Variants in ADGRL3 observed in about 807,000 individuals in gnomAD.
ADGRL3 encodes the protein adhesion G protein-coupled receptor L3, also known as calcium-independent alpha-latrotoxin receptor 3.
Under a neutral mutation model 153.5 loss-of-function variants are expected in ADGRL3, and 62 were observed. The ratio of observed to expected loss-of-function variants is 0.40; its 90% CI spans 0.33 to 0.50. ADGRL3 has a LOEUF of 0.50. Ranked by LOEUF, ADGRL3 falls within the 20% of genes least tolerant of loss-of-function variation. The pLI, the probability that ADGRL3 is intolerant of heterozygous loss-of-function variation, is 0.47. For missense variants in ADGRL3, 1,641 were observed against 1,859.4 expected (o/e 0.88, Z 2.16); for synonymous variants, 710 against 672.5 (o/e 1.06, Z -0.86).
intron 1 of ADGRL3, among the ~76,000 whole-genome samples, chr4:61,367,108 C>T (rs1286593988): frequency 6.6e-6 from 1 of 151,972 alleles, no homozygotes; most frequent in Non-Finnish European, 1.5e-5. Context: ...TAAAGTAGCA[C>T]ATTGAAATAT....
At chr4:61,541,535 A>C (rs959513945) in intron 4 of ADGRL3, among the ~76,000 whole-genome samples, 1 of 151,992 alleles carries the variant, frequency 6.6e-6, no homozygotes, top group African/African-American at 2.4e-5. Context: ...GACATTCTTC[A>C]CTAAGGGGCA....
chr4:61,239,423 T>G lies in ADGRL3; in HGVS notation c.-240+37658T>G, dbSNP rs142492934. ...GTGCCTGGAGAGACTTCGTCCTATA[T>G]AGAATTCCCCCTCCCCACTCCACTG... On this transcript the variant is annotated intron_variant, in intron 1 of 26. Transcript: ENST00000683033. 2.3e-3 allele frequency among the ~76,000 whole-genome samples: 356 copies of G among 152,240 alleles called. 4 individuals are homozygous for G. Among genetic ancestry groups the G allele is most frequent in the Non-Finnish European group, 3.2e-3 (215 of 68,006 alleles).
chr4:61,605,969 T>C (rs2099030673), intron 5 of ADGRL3, among the ~76,000 whole-genome samples: 2 of 152,144 alleles, frequency 1.3e-5, no homozygotes, highest in South Asian at 4.1e-4. Flanking sequence ...GGAGATTTAA[T>C]GGGAGAGACG....
At chr4:61,890,258 C>T (rs1374850479) in intron 9 of ADGRL3, among the ~76,000 whole-genome samples, 1 of 152,114 alleles carries the variant, frequency 6.6e-6, no homozygotes, top group Non-Finnish European at 1.5e-5. Context: ...TTCAGAAGTA[C>T]AAATGAGAGC....
At chr4:61,264,361 ACCC>A (rs749177961) in intron 1 of ADGRL3, among the ~76,000 whole-genome samples, 7 of 152,096 alleles carry the variant, frequency 4.6e-5, no homozygotes, top group Non-Finnish European at 1.0e-4. Context: ...CACAATTGGA[ACCC>A]CAAATCGGCA....
chr4:61,933,211 A>G (rs2098824884), intron 13 of ADGRL3, among the ~76,000 whole-genome samples: 1 of 152,120 alleles, frequency 6.6e-6, no homozygotes, highest in African/African-American at 2.4e-5. Context: ...CTGAAGGAAT[A>G]CTTCTTTACA....
intron 17 of ADGRL3, among the ~76,000 whole-genome samples, chr4:61,969,167 G>GA (rs1454775634): frequency 2.0e-5 from 3 of 152,168 alleles, no homozygotes; most frequent in South Asian, 2.1e-4. Flanking sequence ...CTTTGAATCA[G>GA]AAAAAAGTAA....
At chr4:61,396,654 C>T (rs1181015997) in intron 2 of ADGRL3, among the ~76,000 whole-genome samples, 1 of 151,920 alleles carries the variant, frequency 6.6e-6, no homozygotes, top group Non-Finnish European at 1.5e-5. Context: ...CAATCACTAC[C>T]TTTTCTGTTG....
At chr4:61,638,438 C>G (rs988354808) in intron 5 of ADGRL3, among the ~76,000 whole-genome samples, 1 of 152,102 alleles carries the variant, frequency 6.6e-6, no homozygotes, top group South Asian at 2.1e-4. Context: ...TTAAATGAAT[C>G]TAGGCATTTG....
At chr4:61,841,834 G>A (rs9998513) in intron 9 of ADGRL3, among the ~76,000 whole-genome samples, 2,077 of 152,278 alleles carry the variant, frequency 0.014, 47 homozygotes, top group African/African-American at 0.045. Flanking sequence ...TCTTGTGTGT[G>A]CACACATTGT....
intron 5 of ADGRL3, among the ~76,000 whole-genome samples, chr4:61,652,388 A>C (rs1370942261): frequency 6.6e-6 from 1 of 152,180 alleles, no homozygotes; most frequent in African/African-American, 2.4e-5. Flanking sequence ...GTTTCTTTGG[A>C]TTAATTGATT....
intron 2 of ADGRL3, among the ~76,000 whole-genome samples, chr4:61,456,383 A>C (rs1445957162): frequency 1.7e-5 from 2 of 119,782 alleles, no homozygotes; most frequent in Non-Finnish European, 3.5e-5. Context: ...ATCTATATAT[A>C]TATATAGATA....
chr4:61,335,286 G>A (rs1391836075), intron 1 of ADGRL3, among the ~76,000 whole-genome samples: 7 of 152,050 alleles, frequency 4.6e-5, no homozygotes, highest in Non-Finnish European at 1.0e-4. Context: ...TTAAAGCATA[G>A]ATTTCTTTTC....
At chr4:61,880,205 A>G (rs868228218) in intron 9 of ADGRL3, among the ~76,000 whole-genome samples, 4 of 152,218 alleles carry the variant, frequency 2.6e-5, no homozygotes, top group Non-Finnish European at 4.4e-5. Flanking sequence ...ATTTAAAAAT[A>G]CATTGTCCTG....
At chr4:61,641,959 A>G (rs1194420217) in intron 5 of ADGRL3, among the ~76,000 whole-genome samples, 2 of 149,770 alleles carry the variant, frequency 1.3e-5, no homozygotes, top group South Asian at 2.1e-4. Context: ...TTGTTTCCTG[A>G]CTTTTTAATG....
At chr4:61,997,655 A>G (rs2099126428) in intron 20 of ADGRL3, among the ~76,000 whole-genome samples, 1 of 152,166 alleles carries the variant, frequency 6.6e-6, no homozygotes, top group African/African-American at 2.4e-5. Context: ...TGACAATACC[A>G]TTGGGGGTTT....
chr4:61,856,038 C>G (rs909994540), intron 9 of ADGRL3, among the ~76,000 whole-genome samples: 2 of 151,932 alleles, frequency 1.3e-5, no homozygotes, highest in African/African-American at 4.8e-5. Context: ...GTTGGGAAAC[C>G]TTAGGTATAG....
intron 9 of ADGRL3, among the ~76,000 whole-genome samples, chr4:61,831,683 G>A (rs1161650535): frequency 6.6e-6 from 1 of 152,002 alleles, no homozygotes; most frequent in Non-Finnish European, 1.5e-5. Context: ...AGTTCATTAA[G>A]GTATCCAGGT....
intron 1 of ADGRL3, among the ~76,000 whole-genome samples, chr4:61,266,269 T>TA (rs2092838909): frequency 2.6e-5 from 2 of 77,240 alleles, no homozygotes; most frequent in African/African-American, 1.0e-4. Context: ...ATGATCTTTC[T>TA]GACTTTAGAC....
Sources: gnomAD v4.1 joint callset for allele counts (sites outside exome capture counted in the v4.1 genomes callset) on GRCh38, gnomAD v4.1.1 for gene constraint, MANE v1.5 for transcripts, NCBI Gene and HGNC (gene_info 2026-07-23, HGNC 2026-07-21) for gene names.